HDAC4: variants seen among roughly 807,000 people sequenced by gnomAD.
HDAC4 encodes the protein histone deacetylase 4, also known as histone deacetylase A.
HDAC4 carries 16 observed loss-of-function variants against 135.1 expected under a neutral mutation model. The observed-to-expected ratio is 0.12, with a 90% confidence interval of 0.08 to 0.18. The LOEUF (loss-of-function observed/expected upper bound fraction) is 0.18. Among genes scored for constraint, HDAC4 ranks in the 10% least tolerant of loss-of-function variants. The pLI, the probability that HDAC4 is intolerant of heterozygous loss-of-function variation, is 1.00. For synonymous variants in HDAC4, 685 were observed against 653.4 expected (o/e 1.05, Z -0.74); for missense variants, 1,143 against 1,511.8 (o/e 0.76, Z 4.05).
chr2:239,078,430 A>C (rs907544325), intron 22 of HDAC4, among the ~76,000 whole-genome samples: 1 of 152,212 alleles, frequency 6.6e-6, no homozygotes, highest in Non-Finnish European at 1.5e-5. Flanking sequence ...GGAGAAGAGC[A>C]GAAGAAAGGG....
At chr2:239,104,799 G>T (rs1290582159) in intron 15 of HDAC4, among the ~76,000 whole-genome samples, 4 of 152,290 alleles carry the variant, frequency 2.6e-5, no homozygotes, top group Non-Finnish European at 5.9e-5. Flanking sequence ...CAGAAAGAGA[G>T]ATCTGACGTT....
Position 239,352,737 on chromosome 2 carries a change from G to T in HDAC4, c.-38C>A. 1 of 1,549,680 alleles carries T rather than the reference G, an allele frequency of 6.5e-7. No individual in the cohort carries two copies. Among genetic ancestry groups the T allele is most frequent in the Non-Finnish European group, 8.7e-7 (1 of 1,144,162 alleles). ...CCACTCCTTTAAGTGATTCGAAATG[G>T]CTCAAAATTTCCACGGAAACGATAG... On this transcript the variant is annotated 5_prime_UTR_variant, in exon 2 of 27. Coordinates refer to ENST00000543185, the MANE Select transcript of HDAC4 (RefSeq NM_001378414.1). The surrounding 1 kb of genome is among the most constrained non-coding windows in gnomAD (Gnocchi z 4.4).
chr2:239,136,170 C>G (rs1413886039), intron 9 of HDAC4, among the ~76,000 whole-genome samples: 1 of 152,120 alleles, frequency 6.6e-6, no homozygotes, highest in Non-Finnish European at 1.5e-5. Context: ...TGGGGTTTGG[C>G]AGATAGAAAT....
Position 239,049,085 on chromosome 2 carries a change from T to C in HDAC4, c.*4012A>G. 1 of 152,268 alleles carries C rather than the reference T, an allele frequency of 6.6e-6. No individual in the cohort carries two copies. 9.4% of individuals were successfully genotyped at this position (152,268 alleles called of 1,614,324 possible). A position where few individuals can be genotyped will look rare whatever the true frequency, so the allele number is the denominator to read the frequency against. ...GCAGTTCACTGTGAATTCTGAGTAG[T>C]TTCCCTAAAACACTGTTTCCACATA... On this transcript the variant is annotated 3_prime_UTR_variant, in exon 27 of 27. Transcript: ENST00000543185.
chr2:239,358,629 T>A (rs983495870), intron 1 of HDAC4, among the ~76,000 whole-genome samples: 1 of 152,214 alleles, frequency 6.6e-6, no homozygotes, highest in Non-Finnish European at 1.5e-5. Context: ...TCAGTATCTC[T>A]GTATGAGTTT....
intron 3 of HDAC4, among the ~76,000 whole-genome samples, chr2:239,198,506 C>G (rs11675596): frequency 6.6e-6 from 1 of 152,154 alleles, no homozygotes; most frequent in African/African-American, 2.4e-5. Context: ...ACTAGCCCCC[C>G]GTTCTTGCTG....
At chr2:239,065,387 A>C (rs893144114) in intron 24 of HDAC4, among the ~76,000 whole-genome samples, 4 of 152,226 alleles carry the variant, frequency 2.6e-5, no homozygotes, top group Admixed American at 2.0e-4. Flanking sequence ...TTCCCCAAAC[A>C]TAAGGGACTG....
In HDAC4 at chr2:239,331,932, C is replaced by T. The variant is rs72992666; in HGVS notation, c.22+20746G>A. Reference sequence around the variant, plus strand: ...CCCCGTGCCAGGAGTGAGGGCAACACGGACCTGACCAGTCCTCACAGAATC... The same window carrying T: ...CCCCGTGCCAGGAGTGAGGGCAACATGGACCTGACCAGTCCTCACAGAATC... On this transcript the variant is annotated intron_variant, in intron 2 of 26. Transcript: ENST00000543185. This position sits in a 1 kb window ranked among gnomAD's most constrained non-coding sequence, Gnocchi z 4.5. Among the ~76,000 whole-genome samples the T allele has an allele frequency of 0.099, 15,060 of 152,120 alleles. 1,345 individuals are homozygous for T. The highest frequency in any genetic ancestry group is 0.42 in the East Asian group (2,153 of 5,154).
chr2:239,389,523 C>G (rs555983204), intron 1 of HDAC4, among the ~76,000 whole-genome samples: 1 of 152,256 alleles, frequency 6.6e-6, no homozygotes, highest in South Asian at 2.1e-4. Context: ...TTCTTGAAGT[C>G]AGTGGGACCA....
intron 2 of HDAC4, among the ~76,000 whole-genome samples, chr2:239,274,476 G>A (rs561839279): frequency 1.3e-5 from 2 of 152,322 alleles, no homozygotes; most frequent in African/African-American, 4.8e-5. Flanking sequence ...GAGCCAGGGC[G>A]CCGCTGGTCT....
intron 3 of HDAC4, among the ~76,000 whole-genome samples, chr2:239,220,298 C>G (rs1184762936): frequency 1.3e-5 from 2 of 152,068 alleles, no homozygotes; most frequent in Non-Finnish European, 2.9e-5. Flanking sequence ...TAGGAATTGC[C>G]TAAAATTGAG....
rs938158875 is a variant in HDAC4 at position 239,262,926 on chromosome 2, C to A, written c.23-26262G>T. Among the ~76,000 whole-genome samples, 1 of 152,086 alleles carries A rather than the reference C, an allele frequency of 6.6e-6. No individual in the cohort carries two copies. Among genetic ancestry groups the A allele is most frequent in the South Asian group, 2.1e-4 (1 of 4,810 alleles). ...GAAGGTCACGGCACCACTGAGACAG[C>A]CTGGAAGCTTCTGTGCTTCACGAAA... On this transcript the variant is annotated intron_variant, in intron 2 of 26. Coordinates refer to ENST00000543185, the MANE Select transcript of HDAC4 (RefSeq NM_001378414.1). The surrounding 1 kb of genome is among the most constrained non-coding windows in gnomAD (Gnocchi z 4.1).
At chr2:239,106,000 C>T (rs1040192586) in intron 15 of HDAC4, among the ~76,000 whole-genome samples, 5 of 152,176 alleles carry the variant, frequency 3.3e-5, no homozygotes, top group Non-Finnish European at 7.4e-5. Context: ...AGTATGGCCT[C>T]CACCGCCTCT....
At position 239,144,629 on chromosome 2, in the gene HDAC4, G is replaced by A. The variant is rs761981598; in HGVS notation, c.819C>T (p.Asp273=). Reference sequence around the variant, plus strand: ...TTTTTAGAGCAGTGACCACTGGCCCGTCTTTCCTGCGTAACAGGGGGCTGC... The same window carrying A: ...TTTTTAGAGCAGTGACCACTGGCCCATCTTTCCTGCGTAACAGGGGGCTGC... The part of the protein sequence containing the change: ...RRSSPLLRRK[D]GPVVTALKKR... The change falls in exon 8 of 27, where the codon GAC becomes GAT. Residue 273 remains aspartate, a synonymous_variant. Coordinates refer to ENST00000543185, the MANE Select transcript of HDAC4 (RefSeq NM_001378414.1). 6.2e-6 allele frequency: 10 copies of A among 1,614,082 alleles called. No homozygotes were observed. Among genetic ancestry groups the A allele is most frequent in the South Asian group, 1.1e-5 (1 of 91,080 alleles).
chr2:239,096,238 G>A (rs2037017972), intron 16 of HDAC4, among the ~76,000 whole-genome samples: 1 of 152,082 alleles, frequency 6.6e-6, no homozygotes, highest in South Asian at 2.1e-4. Flanking sequence ...GCTGGGAAGA[G>A]CAACTGCGAT....
At chr2:239,236,108 CT>C (rs935666109) in intron 3 of HDAC4, among the ~76,000 whole-genome samples, 1 of 152,102 alleles carries the variant, frequency 6.6e-6, no homozygotes, top group African/African-American at 2.4e-5. Context: ...ACCACCGATA[CT>C]TTTTTTTGTT....
intron 6 of HDAC4, among the ~76,000 whole-genome samples, chr2:239,157,644 T>C (rs1482765535): frequency 6.6e-6 from 1 of 152,250 alleles, no homozygotes; most frequent in East Asian, 1.9e-4. Flanking sequence ...ATTCTGAGTC[T>C]TTAAACTGCG....
At position 239,286,163 on chromosome 2, in the gene HDAC4, A is replaced by G. The variant is rs148910584; in HGVS notation, c.23-49499T>C. Among the ~76,000 whole-genome samples, 211 of 152,378 alleles carry G rather than the reference A, an allele frequency of 1.4e-3. 1 individual carries two copies. The highest frequency in any genetic ancestry group is 5.0e-3 in the African/African-American group (206 of 41,586). On this transcript the variant is annotated intron_variant, in intron 2 of 26. Coordinates refer to ENST00000543185, the MANE Select transcript of HDAC4 (RefSeq NM_001378414.1). ...GTTTTGATTAAATAAAAAGTTTATG[A>G]AAATACTTGAAAAATTTTAAGTAAT...
At chr2:239,172,212 T>C (rs779707138) in intron 5 of HDAC4, among the ~76,000 whole-genome samples, 1 of 150,516 alleles carries the variant, frequency 6.6e-6, no homozygotes, top group Admixed American at 6.6e-5. Context: ...AAGGCTGTGA[T>C]AGATTAAAGA....
Sources: allele counts gnomAD v4.1 joint callset (sites outside exome capture counted in the v4.1 genomes callset), GRCh38; gene constraint gnomAD v4.1.1; non-coding constraint Gnocchi (gnomAD v3.1); transcripts MANE v1.5; gene names NCBI Gene and HGNC (gene_info 2026-07-23, HGNC 2026-07-21).